The following CSMD1 variants were observed in gnomAD, a reference collection of about 807,000 sequenced individuals.
CSMD1 encodes the protein CUB and Sushi multiple domains 1.
CSMD1 carries 213 observed loss-of-function variants against 417.5 expected under a neutral mutation model. The ratio of observed to expected loss-of-function variants is 0.51; its 90% CI spans 0.46 to 0.57. CSMD1 has a LOEUF of 0.57. CSMD1 is among the 20% of genes least tolerant of loss of function. The probability of loss-of-function intolerance (pLI) is 0.00; values close to 1 mark genes in which losing one functional copy is unlikely to be tolerated. For synonymous variants in CSMD1, 2,862 were observed against 1,736.8 expected (o/e 1.65, Z -16.11); for missense variants, 6,923 against 4,529.7 (o/e 1.53, Z -15.17).
chr8:4,365,373 T>G (rs1489297422), intron 3 of CSMD1, among the ~76,000 whole-genome samples: 1 of 152,208 alleles, frequency 6.6e-6, no homozygotes, highest in Non-Finnish European at 1.5e-5. Flanking sequence ...TTTTTTCACA[T>G]TTCTGTATTT....
intron 5 of CSMD1, among the ~76,000 whole-genome samples, chr8:3,840,257 T>C (rs1407622904): frequency 1.3e-5 from 2 of 152,066 alleles, no homozygotes; most frequent in South Asian, 4.1e-4. Flanking sequence ...ATTAGCCAAA[T>C]GGTGAAACAG....
intron 11 of CSMD1, among the ~76,000 whole-genome samples, chr8:3,474,626 G>T (rs1817303363): frequency 6.6e-6 from 1 of 152,090 alleles, no homozygotes; most frequent in African/African-American, 2.4e-5. Flanking sequence ...ATATGCTTAG[G>T]AACTTAACTC....
At chr8:3,884,805 G>A (rs995231428) in intron 5 of CSMD1, among the ~76,000 whole-genome samples, 7 of 151,710 alleles carry the variant, frequency 4.6e-5, no homozygotes, top group South Asian at 2.1e-4. Flanking sequence ...CTTTTGGTAC[G>A]CTACGCAAGG....
At chr8:3,045,168 C>T (rs1689635667) in intron 50 of CSMD1, among the ~76,000 whole-genome samples, 1 of 152,146 alleles carries the variant, frequency 6.6e-6, no homozygotes, top group Admixed American at 6.6e-5. Flanking sequence ...AAAATGTTAA[C>T]ATGGATTTCC....
chr8:3,138,182 T>G (rs1818219912), intron 41 of CSMD1, among the ~76,000 whole-genome samples: 1 of 152,160 alleles, frequency 6.6e-6, no homozygotes, highest in African/African-American at 2.4e-5. Flanking sequence ...GCTGAGATTG[T>G]GCCACTGCAC....
intron 3 of CSMD1, among the ~76,000 whole-genome samples, chr8:4,196,660 C>T (rs900849328): frequency 6.6e-6 from 1 of 152,158 alleles, no homozygotes; most frequent in Non-Finnish European, 1.5e-5. Flanking sequence ...CTTTGTGACC[C>T]ATTCTTCTGC....
At chr8:3,384,098 G>A (rs894062955) in intron 18 of CSMD1, among the ~76,000 whole-genome samples, 4 of 152,104 alleles carry the variant, frequency 2.6e-5, no homozygotes, top group East Asian at 1.9e-4. Flanking sequence ...GGAAAAGTTC[G>A]TTTAGTGACC....
rs142336365 is a variant in CSMD1, at chr8:4,558,524, G to A, written c.302+78818C>T. ...ATGGGATTCCACTGAGCTTAAGACA[G>A]GAAGACTCCGAAAGCAAGTACCTTG... On this transcript the variant is annotated intron_variant, in intron 2 of 69. Transcript: ENST00000635120. 3.2e-3 allele frequency among the ~76,000 whole-genome samples: 489 copies of A among 152,198 alleles called. 2 individuals are homozygous for A. The highest frequency in any genetic ancestry group is 0.011 in the African/African-American group (469 of 41,526).
chr8:4,226,293 G>T (rs138082000), intron 3 of CSMD1, among the ~76,000 whole-genome samples: 2 of 152,146 alleles, frequency 1.3e-5, no homozygotes, highest in Admixed American at 6.5e-5. Flanking sequence ...GGATAAAATA[G>T]TTGTTGACAT....
At chr8:4,672,225 G>T (rs1563111712) in intron 1 of CSMD1, among the ~76,000 whole-genome samples, 1 of 152,102 alleles carries the variant, frequency 6.6e-6, no homozygotes, top group Non-Finnish European at 1.5e-5. Context: ...TGCAGAGAAG[G>T]TTATATGTGC....
At chr8:3,955,438 G>C (rs1188631103) in intron 5 of CSMD1, among the ~76,000 whole-genome samples, 2 of 152,106 alleles carry the variant, frequency 1.3e-5, no homozygotes, top group African/African-American at 4.8e-5. Context: ...AAATAAACCA[G>C]AATGAAAAAA....
chr8:3,000,818 C>T (rs1463631314), intron 52 of CSMD1, among the ~76,000 whole-genome samples: 1 of 152,134 alleles, frequency 6.6e-6, no homozygotes, highest in East Asian at 1.9e-4. Context: ...AGTGAAAGAA[C>T]AGGAAGGAGC....
intron 3 of CSMD1, among the ~76,000 whole-genome samples, chr8:4,373,885 G>T (rs1448112666): frequency 6.6e-6 from 1 of 152,172 alleles, no homozygotes; most frequent in Non-Finnish European, 1.5e-5. Flanking sequence ...TAACGCAGAA[G>T]CTGTTAGTGA....
At chr8:4,387,044 C>T (rs1348808004) in intron 3 of CSMD1, among the ~76,000 whole-genome samples, 1 of 152,034 alleles carries the variant, frequency 6.6e-6, no homozygotes, top group Non-Finnish European at 1.5e-5. Context: ...TGGGGGATAT[C>T]CAGATTAAAA....
chr8:3,948,732 G>T (rs958096604), intron 5 of CSMD1, among the ~76,000 whole-genome samples: 1 of 152,118 alleles, frequency 6.6e-6, no homozygotes, highest in African/African-American at 2.4e-5. Flanking sequence ...CAATAATACA[G>T]TGACTTAATC....
intron 1 of CSMD1, among the ~76,000 whole-genome samples, chr8:4,748,455 G>C (rs1192166284): frequency 6.6e-6 from 1 of 152,174 alleles, no homozygotes; most frequent in African/African-American, 2.4e-5. Flanking sequence ...ACCCAAGTAA[G>C]GGTGAAACTC....
Position 4,378,313 on chromosome 8 carries a change from A to C in CSMD1, c.415+41640T>G, listed in dbSNP as rs904809313. On this transcript the variant is annotated intron_variant, in intron 3 of 69. Coordinates refer to ENST00000635120, the MANE Select transcript of CSMD1 (RefSeq NM_033225.6). ...TGCAAAGTAACTATTAAATTGTTAT[A>C]AATTGCTGTTTTTGAACTTTGACAT... Among the ~76,000 whole-genome samples the C allele has an allele frequency of 2.6e-5, 4 of 152,228 alleles. No homozygotes were observed. The South Asian group carries it at 6.2e-4, about 24-fold the overall frequency.
chr8:3,843,760 T>C (rs148637380), intron 5 of CSMD1, among the ~76,000 whole-genome samples: 176 of 152,320 alleles, frequency 1.2e-3, no homozygotes, highest in African/African-American at 3.9e-3. Flanking sequence ...TTTAAAGCAT[T>C]TGATTCTCAG....
At chr8:4,509,090 G>C (rs907003418) in intron 2 of CSMD1, among the ~76,000 whole-genome samples, 5 of 151,800 alleles carry the variant, frequency 3.3e-5, no homozygotes, top group African/African-American at 4.8e-5. Flanking sequence ...GAATAAGGCA[G>C]AGGGAAAAAA....
Sources: gnomAD v4.1 joint callset for allele counts (sites outside exome capture counted in the v4.1 genomes callset) on GRCh38, gnomAD v4.1.1 for gene constraint, MANE v1.5 for transcripts, NCBI Gene and HGNC (gene_info 2026-07-23, HGNC 2026-07-21) for gene names.